The following GNAI2 variants were observed in gnomAD, a reference collection of about 807,000 sequenced individuals.
The protein encoded by GNAI2 is G protein subunit alpha i2, also known as guanine nucleotide-binding protein G(i) subunit alpha-2.
GNAI2 carries 4 observed loss-of-function variants against 36.8 expected under a neutral mutation model. The observed-to-expected ratio is 0.11, with a 90% CI of 0.05 to 0.25. GNAI2 has a LOEUF of 0.25. Among genes scored for constraint, GNAI2 ranks in the 10% least tolerant of loss-of-function variants. The pLI is 1.00. For missense variants in GNAI2, 230 were observed against 481.3 expected, an observed-to-expected ratio of 0.48 and a Z score of 4.89; for synonymous variants, 194 against 194.1, an observed-to-expected ratio of 1.00 and a Z score of 0.01.
In GNAI2 at chr3:50,256,876, G is replaced by A. The variant is rs201368165; in HGVS notation, c.723+24G>A. 671 of 1,613,804 alleles carry A rather than the reference G, an allele frequency of 4.2e-4. 3 individuals are homozygous for A. The highest frequency in any genetic ancestry group is 6.6e-5 in the South Asian group (6 of 91,074). On this transcript the variant is annotated intron_variant, in intron 6 of 8. Transcript: ENST00000313601. ...TGGTGAGAGGATGAGAGAATGCTGC[G>A]GGTGGGGGCAGCGGGCTTGGGGAGT...
At position 50,236,700 on chromosome 3, in the gene GNAI2, C is replaced by T. The variant is rs587614626; in HGVS notation, c.118+247C>T. 6.6e-5 allele frequency among the ~76,000 whole-genome samples: 10 copies of T among 152,156 alleles called. No homozygotes were observed. ...ATCCAGTCAACAGTGCCCCAACACC[C>T]GCGGTCCAGTGCCCTGCTTGGCCAT... is the stretch of plus-strand genomic sequence containing the variant. On this transcript the variant is annotated intron_variant, in intron 1 of 8. Transcript: ENST00000313601. This position sits in a 1 kb window ranked among gnomAD's most constrained non-coding sequence, Gnocchi z 4.0.
upstream of GNAI2, among the ~76,000 whole-genome samples, chr3:50,235,557 T>G (rs996435185): frequency 1.3e-5 from 2 of 152,084 alleles, no homozygotes; most frequent in Non-Finnish European, 2.9e-5. Context: ...TGACCTCAAG[T>G]GATCTGCCCG....
intron 4 of GNAI2, among the ~76,000 whole-genome samples, chr3:50,254,210 T>G (rs1700634978): frequency 6.6e-6 from 1 of 152,060 alleles, no homozygotes; most frequent in Non-Finnish European, 1.5e-5. Flanking sequence ...TGGTGCAGGG[T>G]GCTGAGGACC....
Position 50,259,048 on chromosome 3 carries a change from G to T in GNAI2, c.*705G>T. 1 of 409,040 alleles carries T rather than the reference G, an allele frequency of 2.4e-6. No individual in the cohort carries two copies. The highest frequency in any genetic ancestry group is 4.8e-6 in the Non-Finnish European group (1 of 209,160). 25.3% of individuals were successfully genotyped at this position (409,040 alleles called of 1,614,324 possible). On this transcript the variant is annotated 3_prime_UTR_variant, in exon 9 of 9. Coordinates refer to ENST00000313601, the MANE Select transcript of GNAI2 (RefSeq NM_002070.4). ...CGTGTTTACACCCGTCCCTCTGCTG[G>T]CCGCCCCCGTGCGAGCGGCACCCCT...
At chr3:50,244,826 A>C (rs1700379189) in intron 1 of GNAI2, among the ~76,000 whole-genome samples, 1 of 152,128 alleles carries the variant, frequency 6.6e-6, no homozygotes, top group Admixed American at 6.5e-5. Context: ...GGAGAGCCAG[A>C]GCAGAAGCGT....
At chr3:50,246,803 C>G in intron 1 of GNAI2, 1 of 849,882 alleles carries the variant, frequency 1.2e-6, no homozygotes, top group Non-Finnish European at 1.7e-6. Context: ...AGCAGTGAGG[C>G]TCCTGGGCAG....
At chr3:50,230,353 G>C (rs2109170325), upstream of GNAI2, 1 of 152,378 alleles carries the variant, frequency 6.6e-6, no homozygotes, top group South Asian at 2.1e-4. Flanking sequence ...GCAAGGCTGT[G>C]ATTGAGTTGG....
chr3:50,238,314 G>C lies in GNAI2; in HGVS notation c.118+1861G>C, dbSNP rs1299333358. 2.0e-5 allele frequency: 3 copies of C among 152,324 alleles called. No homozygotes were observed. Among genetic ancestry groups the C allele is most frequent in the Non-Finnish European group, 4.4e-5 (3 of 68,096 alleles). The allele number at this position is 152,324 out of a possible 1,614,324, so 9.4% of individuals were successfully genotyped here. A position where few individuals can be genotyped will look rare whatever the true frequency, so the allele number is the denominator to read the frequency against. The stretch of plus-strand genomic sequence containing the variant: ...AAATGCAAGACTGGACCATAGAGCT[G>C]GGGGAACGCAGGGCTTCTGGCTAGT... On this transcript the variant is annotated intron_variant, in intron 1 of 8. Coordinates refer to ENST00000313601, the MANE Select transcript of GNAI2 (RefSeq NM_002070.4). This position sits in a 1 kb window ranked among gnomAD's most constrained non-coding sequence, Gnocchi z 5.0.
At chr3:50,244,611 C>T (rs587611721) in intron 1 of GNAI2, among the ~76,000 whole-genome samples, 2 of 152,262 alleles carry the variant, frequency 1.3e-5, no homozygotes, top group African/African-American at 4.8e-5. Context: ...GGTGCACGTA[C>T]GGTACTGTGT....
In GNAI2 at chr3:50,236,259, G is replaced by T; in HGVS notation, c.-77G>T. ...CCCGCAGAGGGCTGGTGGTGGGAGC[G>T]GAGTGGGTCGGGCGGGGCCGAGCCG... On this transcript the variant is annotated 5_prime_UTR_variant, in exon 1 of 9. Transcript: ENST00000313601. This position sits in a 1 kb window ranked among gnomAD's most constrained non-coding sequence, Gnocchi z 4.0. 1 of 1,215,806 alleles carries T rather than the reference G, an allele frequency of 8.2e-7. No individual in the cohort carries two copies. Among genetic ancestry groups the T allele is most frequent in the Non-Finnish European group, 1.0e-6 (1 of 976,908 alleles). The allele number at this position is 1,215,806 out of a possible 1,614,324, so 75.3% of individuals were successfully genotyped here.
chr3:50,256,689 C>G, intron 5 of GNAI2, 34 bp from the exon 6 acceptor site: 1 of 1,608,342 alleles, frequency 6.2e-7, no homozygotes, highest in South Asian at 1.1e-5. Flanking sequence ...CCCCCAGGCT[C>G]CCTTCCTGGA....
intron 1 of GNAI2, among the ~76,000 whole-genome samples, chr3:50,249,913 T>C (rs1341164176): frequency 6.6e-6 from 1 of 152,228 alleles, no homozygotes; most frequent in Non-Finnish European, 1.5e-5. Context: ...CAATGCCTGC[T>C]GCCGCTTGTT....
chr3:50,237,330 G>C (rs1469863463), intron 1 of GNAI2, among the ~76,000 whole-genome samples: 1 of 152,198 alleles, frequency 6.6e-6, no homozygotes, highest in Non-Finnish European at 1.5e-5. Flanking sequence ...TTCCAGTTTC[G>C]AAGGCCAGTC....
upstream of GNAI2, among the ~76,000 whole-genome samples, chr3:50,231,524 C>T (rs985197113): frequency 6.6e-6 from 1 of 152,264 alleles, no homozygotes; most frequent in Admixed American, 6.5e-5. Flanking sequence ...ATCTGCCCAC[C>T]TCAGCCTTCC....
Position 50,252,845 on chromosome 3 carries a change from C to T in GNAI2, c.304-179C>T, listed in dbSNP as rs1395971483. Among the ~76,000 whole-genome samples the T allele has an allele frequency of 6.6e-6, 1 of 152,156 alleles. No individual in the cohort carries two copies. The highest frequency in any genetic ancestry group is 2.4e-5 in the African/African-American group (1 of 41,438). ...CCCCATTGCACTCTAGCCTTGGTGA[C>T]AGAGCTAGACTCCGTCACAGAAAAA... On this transcript the variant is annotated intron_variant, in intron 3 of 8. Transcript: ENST00000313601. The surrounding 1 kb of genome is among the most constrained non-coding windows in gnomAD (Gnocchi z 4.1).
At chr3:50,229,559 G>T (rs60396258), upstream of GNAI2, 14,908 of 152,266 alleles carry the variant, frequency 0.098, 1,638 homozygotes, top group African/African-American at 0.27. Context: ...GATGCCTCAT[G>T]GCAGTCCCCT....
chr3:50,257,750 G>T, intron 8 of GNAI2, 36 bp downstream of exon 8: 1 of 911,754 alleles, frequency 1.1e-6, no homozygotes, highest in Non-Finnish European at 1.5e-6. Context: ...TGCTGGGGAA[G>T]AACTAAGCGG....
chr3:50,236,302 G>C lies in GNAI2; in HGVS notation c.-34G>C. 1 of 1,334,078 alleles carries C rather than the reference G, an allele frequency of 7.5e-7. No individual in the cohort carries two copies. The allele number at this position is 1,334,078 out of a possible 1,614,324, so 82.6% of individuals were successfully genotyped here. On this transcript the variant is annotated 5_prime_UTR_variant, in exon 1 of 9. Transcript: ENST00000313601. This position sits in a 1 kb window ranked among gnomAD's most constrained non-coding sequence, Gnocchi z 4.0. ...CCGAGCCGGGCCGTGGGCCGTGTGG[G>C]GGCCGGGCGGCGGCCGGGCCGGCGG... is the stretch of plus-strand genomic sequence containing the variant.
intron 1 of GNAI2, among the ~76,000 whole-genome samples, chr3:50,245,505 G>A (rs1700395246): frequency 6.6e-6 from 1 of 152,252 alleles, no homozygotes; most frequent in South Asian, 2.1e-4. Flanking sequence ...TGAATCAGAA[G>A]GGAAAAGAGG....
Sources: gnomAD v4.1 joint callset for allele counts (sites outside exome capture counted in the v4.1 genomes callset) on GRCh38, gnomAD v4.1.1 for gene constraint, Gnocchi (gnomAD v3.1) non-coding constraint, MANE v1.5 for transcripts, NCBI Gene and HGNC (gene_info 2026-07-23, HGNC 2026-07-21) for gene names.